Variants in PIP observed in about 807,000 individuals in gnomAD.
PIP encodes the protein prolactin-inducible protein.
A neutral mutation model predicts 12.8 loss-of-function variants in PIP; 9 were observed. The observed-to-expected ratio is 0.70, with a 90% CI of 0.42 to 1.23. PIP has a LOEUF of 1.23. Among genes scored for constraint, PIP ranks in the 50% most tolerant of loss-of-function variants. The probability of loss-of-function intolerance (pLI) is 0.00; values close to 1 mark genes in which losing one functional copy is unlikely to be tolerated. For missense variants in PIP, 172 were observed against 179.5 expected, an observed-to-expected ratio of 0.96 and a Z score of 0.24; for synonymous variants, 60 against 66.1, an observed-to-expected ratio of 0.91 and a Z score of 0.45.
At chr7:143,136,463 A>G in intron 2 of PIP, among the ~76,000 whole-genome samples, 1 of 152,138 alleles carries the variant, frequency 6.6e-6, no homozygotes, top group Non-Finnish European at 1.5e-5. Context: ...CTGGTCAATG[A>G]GCAAAGAATA....
At chr7:143,139,430 C>A in intron 3 of PIP, 88 bp from the exon 4 acceptor site, 1 of 1,513,420 alleles carries the variant, frequency 6.6e-7, no homozygotes, top group South Asian at 1.2e-5. Flanking sequence ...GGAAACTGAA[C>A]CCCAGGGGGC....
intron 1 of PIP, among the ~76,000 whole-genome samples, chr7:143,133,884 C>A (rs1799270127): frequency 6.6e-6 from 1 of 151,300 alleles, no homozygotes; most frequent in African/African-American, 2.4e-5. Context: ...TGAGTAAGTT[C>A]TTTAGTGGTG....
chr7:143,134,732 T>C (rs73454507), intron 1 of PIP, among the ~76,000 whole-genome samples: 1,989 of 152,012 alleles, frequency 0.013, 51 homozygotes, highest in African/African-American at 0.044. Context: ...TGGCATGTGG[T>C]ATTGTACATT....
At chr7:143,134,906 A>T (rs1043065146) in intron 1 of PIP, among the ~76,000 whole-genome samples, 7 of 152,118 alleles carry the variant, frequency 4.6e-5, no homozygotes, top group African/African-American at 1.4e-4. Context: ...TCCTCTGGGT[A>T]GATACCCAGT....
intron 2 of PIP, among the ~76,000 whole-genome samples, chr7:143,138,507 C>T (rs1799333268): frequency 6.6e-6 from 1 of 152,068 alleles, no homozygotes; most frequent in Non-Finnish European, 1.5e-5. Context: ...AATTTACATT[C>T]AAGATGTTAT....
intron 3 of PIP, 113 bp downstream of exon 3, chr7:143,139,302 G>A (rs902713960): frequency 2.4e-6 from 2 of 844,836 alleles, no homozygotes; most frequent in African/African-American, 1.7e-5. Flanking sequence ...AGGGCAGAAG[G>A]ACAGAAGGGA....
At chr7:143,132,980 A>AT (rs1799259877) in intron 1 of PIP, among the ~76,000 whole-genome samples, 2 of 151,998 alleles carry the variant, frequency 1.3e-5, no homozygotes, top group Admixed American at 1.3e-4. Flanking sequence ...ATGGTCAGAT[A>AT]TCCTGTCCTG....
rs527693282 is a variant in PIP at position 143,133,881 on chromosome 7, G to A, written c.96-1313G>A. On this transcript the variant is annotated intron_variant, in intron 1 of 3. Coordinates refer to ENST00000291009, the MANE Select transcript of PIP (RefSeq NM_002652.3). ...AAGTGGTATTTGGTTACATGAGTAA[G>A]TTCTTTAGTGGTGATGAGATTTTGG... Among the ~76,000 whole-genome samples the A allele has an allele frequency of 2.0e-5, 3 of 151,568 alleles. No homozygotes were observed. The South Asian group carries it at 6.3e-4, about 32-fold the overall frequency.
At chr7:143,139,494 G>A (rs1414264873) in intron 3 of PIP, 24 bp from the exon 4 acceptor site, 1 of 1,612,036 alleles carries the variant, frequency 6.2e-7, no homozygotes, top group Non-Finnish European at 8.5e-7. Flanking sequence ...TCTGAGAGAT[G>A]ATCTCCGTCC....
At chr7:143,137,819 G>A (rs183867373) in intron 2 of PIP, among the ~76,000 whole-genome samples, 102 of 151,760 alleles carry the variant, frequency 6.7e-4, no homozygotes, top group African/African-American at 2.4e-3. Context: ...AGAATCACTT[G>A]AACCTGGGAG....
chr7:143,138,736 C>T (rs1017604119), intron 2 of PIP, among the ~76,000 whole-genome samples: 5 of 152,102 alleles, frequency 3.3e-5, no homozygotes, highest in South Asian at 2.1e-4. Flanking sequence ...GATTGCAGGT[C>T]GATTCCTGAA....
At chr7:143,139,370 G>A (rs1799344687) in intron 3 of PIP, 148 bp from the exon 4 acceptor site, 2 of 973,098 alleles carry the variant, frequency 2.1e-6, no homozygotes, top group African/African-American at 1.6e-5. Flanking sequence ...TAAGACAGAG[G>A]CATTGAGTGC....
chr7:143,132,410 G>C (rs1799252205), intron 1 of PIP, among the ~76,000 whole-genome samples, 199 bp downstream of exon 1: 1 of 152,010 alleles, frequency 6.6e-6, no homozygotes, highest in Admixed American at 6.6e-5. Flanking sequence ...ATTTTTGCTG[G>C]GTGTTTCTGC....
intron 1 of PIP, among the ~76,000 whole-genome samples, chr7:143,133,995 A>G (rs1211495683): frequency 1.3e-5 from 2 of 150,676 alleles, no homozygotes; most frequent in African/African-American, 4.9e-5. Context: ...CAAGTCCCCA[A>G]AGTCCATTGT....
At chr7:143,138,417 A>G (rs1407918295) in intron 2 of PIP, among the ~76,000 whole-genome samples, 1 of 152,128 alleles carries the variant, frequency 6.6e-6, no homozygotes, top group Admixed American at 6.6e-5. Context: ...CGTTAACTGG[A>G]CAAAATCCTC....
At position 143,135,145 on chromosome 7, in the gene PIP, A is replaced by G. The variant is rs1316192055; in HGVS notation, c.96-49A>G. 4 of 989,032 alleles carry G rather than the reference A, an allele frequency of 4.0e-6. No homozygotes were observed. The East Asian group carries it at 7.5e-5, about 19-fold the overall frequency. 61.3% of individuals were successfully genotyped at this position (989,032 alleles called of 1,614,324 possible). On this transcript the variant is annotated intron_variant, in intron 1 of 3. Transcript: ENST00000291009. ...CTGTTCATGGCTCCCCCCTCACTCA[A>G]AGATTGGTCTCTGATCCTGGTGTTC...
intron 2 of PIP, 21 bp from the exon 3 acceptor site, chr7:143,139,054 C>T (rs779813689): frequency 8.7e-7 from 1 of 1,153,156 alleles, no homozygotes; most frequent in East Asian, 2.3e-5. Flanking sequence ...TGAATTCCCC[C>T]TCCCACCTTC....
intron 2 of PIP, 75 bp downstream of exon 2, chr7:143,135,374 C>T (rs1799298937): frequency 1.4e-6 from 1 of 709,140 alleles, no homozygotes; most frequent in Non-Finnish European, 2.5e-6. Flanking sequence ...TAATCTCTCA[C>T]TTTAATAATG....
intron 2 of PIP, among the ~76,000 whole-genome samples, chr7:143,137,881 C>G (rs1390417012): frequency 6.7e-6 from 1 of 148,662 alleles, no homozygotes; most frequent in Non-Finnish European, 1.5e-5. Flanking sequence ...GCCTGGGCAA[C>G]AGAGTGAGAC....
Sources: allele counts gnomAD v4.1 joint callset (sites outside exome capture counted in the v4.1 genomes callset), GRCh38; gene constraint gnomAD v4.1.1; transcripts MANE v1.5; gene names NCBI Gene and HGNC (gene_info 2026-07-23, HGNC 2026-07-21).